Variants in SPINT1 observed in about 807,000 individuals in gnomAD.
SPINT1 encodes the protein serine peptidase inhibitor, Kunitz type 1.
Under a neutral mutation model 53.7 loss-of-function variants are expected in SPINT1, and 38 were observed. The ratio of observed to expected loss-of-function variants is 0.71; its 90% confidence interval spans 0.55 to 0.93. The LOEUF (loss-of-function observed/expected upper bound fraction) is 0.93, where lower values mean the gene tolerates loss of function less well. SPINT1 is among the 40% of genes least tolerant of loss of function. The pLI is 0.00. For synonymous variants in SPINT1, 283 were observed against 280.6 expected, an observed-to-expected ratio of 1.01 and a Z score of -0.08; for missense variants, 645 against 692.9, an observed-to-expected ratio of 0.93 and a Z score of 0.78.
At chr15:40,849,708 C>A (rs1891400490) in intron 2 of SPINT1, among the ~76,000 whole-genome samples, 1 of 152,194 alleles carries the variant, frequency 6.6e-6, no homozygotes, top group African/African-American at 2.4e-5. Flanking sequence ...GACCTTGGTT[C>A]AAATCCCAGC....
chr15:40,854,498 TCCGA>T lies in SPINT1; in HGVS notation c.1044_1047del (p.Asp349ArgfsTer87). On this transcript the variant is annotated frameshift_variant, in exon 7 of 11. Transcript: ENST00000562057. LOFTEE classifies it high-confidence loss of function. Reference sequence around the variant, plus strand: ...CGACACCCCCAACTGCCCCGACGCCTCCGACGAGGCTGCCTGTGAAAAATGTGAG... The same window carrying T: ...CGACACCCCCAACTGCCCCGACGCCTCGAGGCTGCCTGTGAAAAATGTGAG... 6.2e-7 allele frequency: 1 copy of T among 1,613,444 alleles called. No individual in the cohort carries two copies. The highest frequency in any genetic ancestry group is 8.5e-7 in the Non-Finnish European group (1 of 1,179,872).
chr15:40,845,053 G>A (rs1034696456), intron 2 of SPINT1, 24 bp downstream of exon 2: 5 of 1,479,108 alleles, frequency 3.4e-6, no homozygotes, highest in Non-Finnish European at 4.5e-6. Flanking sequence ...CAAGATGGAT[G>A]GGTTTGGAGA....
chr15:40,844,448 G>A lies in SPINT1; in HGVS notation c.-65-42G>A. 8.6e-7 allele frequency: 1 copy of A among 1,165,982 alleles called. No homozygotes were observed. The highest frequency in any genetic ancestry group is 1.3e-6 in the Non-Finnish European group (1 of 786,010). The allele number at this position is 1,165,982 out of a possible 1,614,324, so 72.2% of individuals were successfully genotyped here. ...CGCCTCCTCCAAAGTCTCCCGGGCT[G>A]ATCAGGTGTGTCTCCTCCTCTGTCC... On this transcript the variant is annotated intron_variant, in intron 1 of 10. Transcript: ENST00000562057. This position sits in a 1 kb window ranked among gnomAD's most constrained non-coding sequence, Gnocchi z 5.8.
chr15:40,851,008 G>A (rs1465775639), intron 2 of SPINT1, among the ~76,000 whole-genome samples: 1 of 152,090 alleles, frequency 6.6e-6, no homozygotes, highest in Non-Finnish European at 1.5e-5. Flanking sequence ...ACTACCAGTT[G>A]TTTAATATTT....
Position 40,854,701 on chromosome 15 carries a change from C to T in SPINT1, c.1117+12C>T. ...CCCCAGTGACAAAGGTGAGATCCTC[C>T]CCAGGTGCCCTGGATCAGGGCAGAC... On this transcript the variant is annotated intron_variant, in intron 8 of 10. Transcript: ENST00000562057. The T allele has an allele frequency of 4.3e-6, 7 of 1,613,984 alleles. No individual in the cohort carries two copies. The highest frequency in any genetic ancestry group is 5.9e-6 in the Non-Finnish European group (7 of 1,180,024).
In SPINT1 at chr15:40,844,717, A is replaced by C. The variant is rs1337074458; in HGVS notation, c.163A>C (p.Thr55Pro). ...GGGAGCCGACTGCCTGAACAGCTTT[A>C]CCGCCGGGGTGCCTGGCTTCGTGCT... ...PAGADCLNSF[T>P]AGVPGFVLDT... Residue 55 changes from threonine to proline, a missense_variant, in exon 2 of 11, where the codon ACC (threonine) becomes CCC (proline). Physicochemically the swap from Thr to Pro is conservative, Grantham distance 38 (BLOSUM62 -1). Transcript: ENST00000562057. The surrounding 1 kb of genome is among the most constrained non-coding windows in gnomAD (Gnocchi z 5.8). The C allele has an allele frequency of 4.4e-6, 7 of 1,608,962 alleles. No individual in the cohort carries two copies. The highest frequency in any genetic ancestry group is 1.3e-5 in the African/African-American group (1 of 74,750).
At chr15:40,849,211 C>A (rs180995891) in intron 2 of SPINT1, among the ~76,000 whole-genome samples, 40 of 151,598 alleles carry the variant, frequency 2.6e-4, no homozygotes, top group Middle Eastern at 3.4e-3. Context: ...ACGCCACTGC[C>A]CTCCAGTCTG....
At chr15:40,855,195 A>G (rs1271923318) in intron 8 of SPINT1, among the ~76,000 whole-genome samples, 1 of 151,564 alleles carries the variant, frequency 6.6e-6, no homozygotes, top group Non-Finnish European at 1.5e-5. Context: ...AGCGTGGGCA[A>G]TATGGCAAAA....
In SPINT1 at chr15:40,856,275, G is replaced by A; in HGVS notation, c.1289-1G>A. On this transcript the variant is annotated splice_acceptor_variant, in intron 9 of 10. Transcript: ENST00000562057. LOFTEE classifies it high-confidence loss of function. ...TGGTCTTTCCCCTCATCATTCTGCA[G>A]AGAAGGATGTGTTTGGCCTGAGGCG... The A allele has an allele frequency of 6.2e-7, 1 of 1,614,178 alleles. No homozygotes were observed. The highest frequency in any genetic ancestry group is 8.5e-7 in the Non-Finnish European group (1 of 1,180,026).
In SPINT1 at chr15:40,854,500, C is replaced by G; in HGVS notation, c.1044C>G (p.Ser348=). ...CDDTPNCPDA[S]DEAACEKYTS... is the part of the protein sequence containing the mutation. ...ACACCCCCAACTGCCCCGACGCCTC[C>G]GACGAGGCTGCCTGTGAAAAATGTG... Residue 348 remains serine (S), a synonymous_variant, in exon 7 of 11, where the codon TCC becomes TCG. Coordinates refer to ENST00000562057, the MANE Select transcript of SPINT1 (RefSeq NM_003710.4). The G allele has an allele frequency of 6.2e-7, 1 of 1,613,452 alleles. No individual in the cohort carries two copies. Among genetic ancestry groups the G allele is most frequent in the Non-Finnish European group, 8.5e-7 (1 of 1,179,864 alleles).
intron 2 of SPINT1, 74 bp downstream of exon 2, chr15:40,845,103 C>T (rs1446176637): frequency 1.2e-5 from 15 of 1,231,750 alleles, no homozygotes; most frequent in Admixed American, 2.3e-5. Flanking sequence ...CTAGGGGAGA[C>T]GAACATCAGA....
chr15:40,847,834 C>A (rs1596145574), intron 2 of SPINT1, among the ~76,000 whole-genome samples: 1 of 152,018 alleles, frequency 6.6e-6, no homozygotes, highest in Admixed American at 6.5e-5. Flanking sequence ...CTCTGGGGGC[C>A]TGGTGGGGCT....
chr15:40,856,771 C>A lies in SPINT1; in HGVS notation c.1338C>A (p.Gly446=). ...TTATTCTACCCCTTCTTCCCCCAGGCTCTGTGGAGATGGCTGTCGCAGTGT... is the reference window on the plus strand; with the variant it reads ...TTATTCTACCCCTTCTTCCCCCAGGATCTGTGGAGATGGCTGTCGCAGTGT... ...LRREIPIPST[G]SVEMAVAVFL... is the part of the protein sequence containing the mutation. Residue 446 remains glycine (G), a splice_region_variant and synonymous_variant, in exon 11 of 11, where the codon GGC becomes GGA. Transcript: ENST00000562057. 1 of 1,614,144 alleles carries A rather than the reference C, an allele frequency of 6.2e-7. No homozygotes were observed. Among genetic ancestry groups the A allele is most frequent in the Non-Finnish European group, 8.5e-7 (1 of 1,180,028 alleles).
At position 40,853,831 on chromosome 15, in the gene SPINT1, A is replaced by G; in HGVS notation, c.863A>G (p.Asn288Ser). 1 of 1,614,210 alleles carries G rather than the reference A, an allele frequency of 6.2e-7. No homozygotes were observed. Among genetic ancestry groups the G allele is most frequent in the Non-Finnish European group, 8.5e-7 (1 of 1,180,030 alleles). Residue 288 changes from asparagine (N) to serine (S), a missense_variant, in exon 5 of 11, where the codon AAC becomes AGC. Physicochemically the swap from Asn to Ser is conservative, Grantham distance 46 (BLOSUM62 1). Transcript: ENST00000562057. ...TATGGAGGCTGCTTGGGCAACAAGA[A>G]CAACTACCTTCGGGAAGAAGAGTGC... ...FVYGGCLGNK[N>S]NYLREEECIL...
Position 40,844,861 on chromosome 15 carries a change from G to C in SPINT1, c.307G>C (p.Glu103Gln), listed in dbSNP as rs199965511. The C allele has an allele frequency of 5.0e-6, 8 of 1,613,776 alleles. No individual in the cohort carries two copies. In the African/African-American group the frequency reaches 1.1e-4, roughly 22 times the overall value. The change falls in exon 2 of 11, where the codon GAG becomes CAG. Residue 103 changes from glutamate to glutamine, a missense_variant. Transcript: ENST00000562057. The surrounding 1 kb of genome is among the most constrained non-coding windows in gnomAD (Gnocchi z 5.8). ...CCAGAACTGCAACTTGGCGCTAGTG[G>C]AGCTGCAGCCCGACCGCGGGGAGGA... ...TTQNCNLALV[E>Q]LQPDRGEDAI...
Position 40,855,858 on chromosome 15 carries a change from A to G in SPINT1, c.1118-34A>G, listed in dbSNP as rs1000424602. 6.3e-6 allele frequency: 10 copies of G among 1,585,634 alleles called. No individual in the cohort carries two copies. The African/African-American group carries it at 1.3e-4, about 21-fold the overall frequency. On this transcript the variant is annotated intron_variant, in intron 8 of 10. Coordinates refer to ENST00000562057, the MANE Select transcript of SPINT1 (RefSeq NM_003710.4). The stretch of plus-strand genomic sequence containing the variant: ...GCAGAAGGTGGCAGGGAGGCCATGG[A>G]CTCGCTCACCATAGCCTACCCCATA...
chr15:40,855,923 C>T lies in SPINT1; in HGVS notation c.1149C>T (p.Leu383=). 1 of 1,614,216 alleles carries T rather than the reference C, an allele frequency of 6.2e-7. No homozygotes were observed. Among genetic ancestry groups the T allele is most frequent in the Non-Finnish European group, 8.5e-7 (1 of 1,180,034 alleles). The change falls in exon 9 of 11, where the codon CTC becomes CTT. Residue 383 remains leucine (L), a synonymous_variant. Transcript: ENST00000562057. ...GCGTGGACCTGCCAGACACAGGACT[C>T]TGCAAGGAGAGCATCCCGCGCTGGT... ...GHCVDLPDTG[L]CKESIPRWYY...
chr15:40,846,417 A>T (rs1891299549), intron 2 of SPINT1, among the ~76,000 whole-genome samples: 1 of 152,158 alleles, frequency 6.6e-6, no homozygotes, highest in South Asian at 2.1e-4. Flanking sequence ...CAACTTCCAA[A>T]AAGGGTGCTA....
chr15:40,855,261 C>T (rs1469659988), intron 8 of SPINT1, among the ~76,000 whole-genome samples: 1 of 152,148 alleles, frequency 6.6e-6, no homozygotes, highest in South Asian at 2.1e-4. Context: ...CGTTCCTGTA[C>T]TCCCAGCTAC....
Sources: allele counts gnomAD v4.1 joint callset (sites outside exome capture counted in the v4.1 genomes callset), GRCh38; gene constraint gnomAD v4.1.1; non-coding constraint Gnocchi (gnomAD v3.1); transcripts MANE v1.5; gene names NCBI Gene and HGNC (gene_info 2026-07-23, HGNC 2026-07-21).